Variants in SGMS1 observed in about 807,000 individuals in gnomAD.
SGMS1 encodes the protein sphingomyelin synthase 1.
In SGMS1, 13 loss-of-function variants were observed where a neutral mutation model predicts 46.2. That is an observed-to-expected ratio of 0.28 (90% CI 0.18 to 0.45). The LOEUF is 0.45. Among genes scored for constraint, SGMS1 ranks in the 20% least tolerant of loss-of-function variants. SGMS1 has a pLI of 1.00. For missense variants in SGMS1, 324 were observed against 519.9 expected (o/e 0.62, Z 3.66); for synonymous variants, 203 against 187.8 (o/e 1.08, Z -0.66).
chr10:50,363,904 A>T (rs187066566), intron 6 of SGMS1, among the ~76,000 whole-genome samples: 1 of 152,268 alleles, frequency 6.6e-6, no homozygotes, highest in East Asian at 1.9e-4. Flanking sequence ...TAAAAGCCAG[A>T]GATGAAGATA....
intron 3 of SGMS1, among the ~76,000 whole-genome samples, chr10:50,506,927 G>A (rs16937775): frequency 0.077 from 11,782 of 152,102 alleles, 1,132 homozygotes; most frequent in East Asian, 0.37. Flanking sequence ...CCAGGAATAG[G>A]AAGCAATACT....
intron 3 of SGMS1, among the ~76,000 whole-genome samples, chr10:50,501,854 T>C (rs889897422): frequency 1.3e-5 from 2 of 152,180 alleles, no homozygotes; most frequent in Admixed American, 6.5e-5. Flanking sequence ...AAATTACTTT[T>C]TAGATAATAA....
At position 50,390,226 on chromosome 10, in the gene SGMS1, T is replaced by C. The variant is rs955754749; in HGVS notation, c.-232+43250A>G. On this transcript the variant is annotated intron_variant, in intron 6 of 10. Transcript: ENST00000361781. Reference sequence around the variant, plus strand: ...GTCACTAAATCAAATGCATAAATCATGTTTTAGGAAATACACCTGCAGCAG... The same window carrying C: ...GTCACTAAATCAAATGCATAAATCACGTTTTAGGAAATACACCTGCAGCAG... Among the ~76,000 whole-genome samples the C allele has an allele frequency of 1.4e-4, 22 of 152,234 alleles. 1 individual carries two copies. The highest frequency in any genetic ancestry group is 1.0e-4 in the Non-Finnish European group (7 of 68,040).
At chr10:50,461,920 A>G (rs2133686788) in intron 4 of SGMS1, among the ~76,000 whole-genome samples, 1 of 152,326 alleles carries the variant, frequency 6.6e-6, no homozygotes, top group South Asian at 2.1e-4. Flanking sequence ...AATCAAACAT[A>G]GGTACAAAGA....
intron 6 of SGMS1, among the ~76,000 whole-genome samples, chr10:50,419,599 T>C (rs1485890576): frequency 6.6e-6 from 1 of 152,196 alleles, no homozygotes; most frequent in African/African-American, 2.4e-5. Context: ...CACTGTGCCC[T>C]AAACATTATT....
intron 1 of SGMS1, among the ~76,000 whole-genome samples, chr10:50,596,602 T>C (rs1158570127): frequency 6.6e-6 from 1 of 152,226 alleles, no homozygotes; most frequent in Admixed American, 6.5e-5. Flanking sequence ...TGGAATGGAC[T>C]CAAAGTAAAA....
chr10:50,449,641 G>GTC (rs1491168534), intron 5 of SGMS1, among the ~76,000 whole-genome samples: 1 of 17,194 alleles, frequency 5.8e-5, no homozygotes, highest in Non-Finnish European at 9.9e-5. Context: ...GTGTGTGCAC[G>GTC]TGTGTGTGTG....
At chr10:50,486,516 C>T (rs1837522518) in intron 3 of SGMS1, among the ~76,000 whole-genome samples, 1 of 152,280 alleles carries the variant, frequency 6.6e-6, no homozygotes, top group Non-Finnish European at 1.5e-5. Flanking sequence ...CATGAATAAA[C>T]ACTTCTCAAA....
Position 50,307,026 on chromosome 10 carries a change from G to T in SGMS1, c.*116C>A. The stretch of plus-strand genomic sequence containing the variant: ...CTGACCAGGTAACTCAATAGGTTAA[G>T]TCAAGGTAACCATTGAAAGATAATA... On this transcript the variant is annotated 3_prime_UTR_variant, in exon 11 of 11. Transcript: ENST00000361781. The surrounding 1 kb of genome is among the most constrained non-coding windows in gnomAD (Gnocchi z 4.2). 1 of 1,043,954 alleles carries T rather than the reference G, an allele frequency of 9.6e-7. No individual in the cohort carries two copies. Among genetic ancestry groups the T allele is most frequent in the Non-Finnish European group, 1.4e-6 (1 of 732,666 alleles). The allele number at this position is 1,043,954 out of a possible 1,614,324, so 64.7% of individuals were successfully genotyped here.
chr10:50,608,384 AT>A (rs994836612), intron 1 of SGMS1, among the ~76,000 whole-genome samples: 10 of 152,174 alleles, frequency 6.6e-5, no homozygotes, highest in African/African-American at 2.4e-4. Flanking sequence ...AGGAAGAGAA[AT>A]AAGAAAAAGA....
At chr10:50,502,542 G>C (rs1837670739) in intron 3 of SGMS1, among the ~76,000 whole-genome samples, 1 of 152,108 alleles carries the variant, frequency 6.6e-6, no homozygotes, top group Non-Finnish European at 1.5e-5. Context: ...CCACAGAGCA[G>C]CAAATATCTG....
rs1847182515 is a variant in SGMS1, at chr10:50,306,374, C to G, written c.*768G>C. 1 of 152,452 alleles carries G rather than the reference C, an allele frequency of 6.6e-6. No homozygotes were observed. The highest frequency in any genetic ancestry group is 2.4e-5 in the African/African-American group (1 of 41,394). 9.4% of individuals were successfully genotyped at this position (152,452 alleles called of 1,614,324 possible). A position where few individuals can be genotyped will look rare whatever the true frequency, so the allele number is the denominator to read the frequency against. ...AAAACATTTAAGATTGCCTACTGAC[C>G]ATACAATCAAGACAAGAAAGGCACT... On this transcript the variant is annotated 3_prime_UTR_variant, in exon 11 of 11. Transcript: ENST00000361781.
chr10:50,401,874 C>A (rs999481119), intron 6 of SGMS1, among the ~76,000 whole-genome samples: 41 of 152,294 alleles, frequency 2.7e-4, no homozygotes, highest in Middle Eastern at 3.4e-3. Context: ...TGCTCCTGCA[C>A]AAAATGTCAA....
chr10:50,548,604 T>C (rs1189202641), intron 2 of SGMS1, among the ~76,000 whole-genome samples: 1 of 151,798 alleles, frequency 6.6e-6, no homozygotes, highest in Non-Finnish European at 1.5e-5. Flanking sequence ...AACTATAAAA[T>C]CCCTAGAAGA....
Position 50,464,541 on chromosome 10 carries a change from T to C in SGMS1, c.-455+2349A>G, listed in dbSNP as rs142913149. Among the ~76,000 whole-genome samples the C allele has an allele frequency of 3.5e-3, 537 of 152,310 alleles. 3 individuals carry two copies. The highest frequency in any genetic ancestry group is 0.012 in the African/African-American group (512 of 41,574). On this transcript the variant is annotated intron_variant, in intron 4 of 10. Coordinates refer to ENST00000361781, the MANE Select transcript of SGMS1 (RefSeq NM_147156.4). ...TCTGCCTCCAGGGTTCAAATGATTCTCATGCCTCAGCCTCCTGAGTAGCTG... is the reference window on the plus strand; with the variant it reads ...TCTGCCTCCAGGGTTCAAATGATTCCCATGCCTCAGCCTCCTGAGTAGCTG...
chr10:50,362,679 G>A (rs1446240447), intron 6 of SGMS1, among the ~76,000 whole-genome samples: 1 of 152,202 alleles, frequency 6.6e-6, no homozygotes, highest in Admixed American at 6.5e-5. Context: ...GATCCACCAT[G>A]AGGGAGATTT....
At chr10:50,555,632 G>T (rs189324132) in intron 2 of SGMS1, among the ~76,000 whole-genome samples, 12 of 152,338 alleles carry the variant, frequency 7.9e-5, no homozygotes, top group African/African-American at 2.9e-4. Flanking sequence ...AGTGACTCAA[G>T]GTACTGAGAA....
intron 1 of SGMS1, among the ~76,000 whole-genome samples, chr10:50,604,079 C>T (rs1007254301): frequency 6.6e-6 from 1 of 152,068 alleles, no homozygotes; most frequent in Non-Finnish European, 1.5e-5. Context: ...AAAATAGGGG[C>T]CTCAGTGCAA....
At chr10:50,383,925 AC>A (rs1848645237) in intron 6 of SGMS1, among the ~76,000 whole-genome samples, 1 of 152,130 alleles carries the variant, frequency 6.6e-6, no homozygotes, top group Admixed American at 6.6e-5. Flanking sequence ...CTGAATATAG[AC>A]CTTTTGGGGA....
Sources: gnomAD v4.1 joint callset for allele counts (sites outside exome capture counted in the v4.1 genomes callset) on GRCh38, gnomAD v4.1.1 for gene constraint, Gnocchi (gnomAD v3.1) non-coding constraint, MANE v1.5 for transcripts, NCBI Gene and HGNC (gene_info 2026-07-23, HGNC 2026-07-21) for gene names.